CACNB2: variants seen among roughly 807,000 people sequenced by gnomAD.
CACNB2 encodes the protein calcium voltage-gated channel auxiliary subunit beta 2.
Under a neutral mutation model 73.3 loss-of-function variants are expected in CACNB2, and 42 were observed. The observed-to-expected ratio is 0.57, with a 90% confidence interval of 0.45 to 0.74. The LOEUF is 0.74. Ranked by LOEUF, CACNB2 falls within the 30% of genes least tolerant of loss-of-function variation. The pLI is 0.00. For synonymous variants in CACNB2, 348 were observed against 310.3 expected (o/e 1.12, Z -1.28); for missense variants, 940 against 853.0 (o/e 1.10, Z -1.27).
At chr10:18,237,121 A>G (rs1350716316) in intron 2 of CACNB2, among the ~76,000 whole-genome samples, 1 of 152,192 alleles carries the variant, frequency 6.6e-6, no homozygotes, top group Non-Finnish European at 1.5e-5. Flanking sequence ...ATTGTAGGGT[A>G]AATGCATAGA....
At chr10:18,375,247 A>G (rs1035006164) in intron 2 of CACNB2, among the ~76,000 whole-genome samples, 1 of 152,122 alleles carries the variant, frequency 6.6e-6, no homozygotes, top group Admixed American at 6.6e-5. Flanking sequence ...AATGTGTCCA[A>G]GTGTCTTCTT....
At chr10:18,243,123 A>T (rs1322358508) in intron 2 of CACNB2, among the ~76,000 whole-genome samples, 1 of 152,192 alleles carries the variant, frequency 6.6e-6, no homozygotes, top group Non-Finnish European at 1.5e-5. Flanking sequence ...TTTTCAATAA[A>T]ATTAATAAAA....
chr10:18,496,031 C>A (rs1023089517), intron 3 of CACNB2, among the ~76,000 whole-genome samples: 1 of 151,614 alleles, frequency 6.6e-6, no homozygotes, highest in Non-Finnish European at 1.5e-5. Flanking sequence ...ACTAAAAATA[C>A]AAAAATTAGC....
At chr10:18,168,206 A>G (rs956517130) in intron 2 of CACNB2, among the ~76,000 whole-genome samples, 1 of 152,160 alleles carries the variant, frequency 6.6e-6, no homozygotes, top group Non-Finnish European at 1.5e-5. Context: ...GGATCCCTTG[A>G]GCCCAGGAGT....
At chr10:18,202,905 C>G (rs955984411) in intron 2 of CACNB2, among the ~76,000 whole-genome samples, 1 of 152,156 alleles carries the variant, frequency 6.6e-6, no homozygotes, top group African/African-American at 2.4e-5. Context: ...CTGTATAATT[C>G]AGTCAGTTTC....
At chr10:18,252,381 A>G (rs2037123476) in intron 2 of CACNB2, among the ~76,000 whole-genome samples, 1 of 151,740 alleles carries the variant, frequency 6.6e-6, no homozygotes. Flanking sequence ...AAGCTTATGG[A>G]TGGTAAATTA....
chr10:18,409,096 G>A (rs569899142), intron 3 of CACNB2, among the ~76,000 whole-genome samples: 6 of 152,090 alleles, frequency 3.9e-5, no homozygotes, highest in African/African-American at 1.2e-4. Context: ...TCAGGAGTTC[G>A]AGGCCAGGCT....
At chr10:18,309,247 C>A (rs190591373) in intron 2 of CACNB2, among the ~76,000 whole-genome samples, 2 of 151,874 alleles carry the variant, frequency 1.3e-5, no homozygotes, top group Admixed American at 1.3e-4. Flanking sequence ...AAAGAGGGGA[C>A]AATTCAGAAA....
chr10:18,504,311 T>C (rs1308425823), intron 5 of CACNB2, among the ~76,000 whole-genome samples: 2 of 152,216 alleles, frequency 1.3e-5, no homozygotes, highest in African/African-American at 2.4e-5. Flanking sequence ...ACCTCCACGC[T>C]GTACAGACTT....
In CACNB2 at chr10:18,140,862, G is replaced by C. The variant is rs745610541; in HGVS notation, c.120+6G>C. On this transcript the variant is annotated splice_donor_region_variant and intron_variant, in intron 1 of 13. Transcript: ENST00000324631. ...CGCTCGGAGCCGCCGCACAGGTAGC[G>C]AGAGCGCGGCGCCTTCTCCTTCCTT... 6 of 1,594,488 alleles carry C rather than the reference G, an allele frequency of 3.8e-6. No individual in the cohort carries two copies. The highest frequency in any genetic ancestry group is 1.3e-5 in the African/African-American group (1 of 74,774).
chr10:18,400,915 A>G, intron 2 of CACNB2: 1 of 1,567,334 alleles, frequency 6.4e-7, no homozygotes, highest in Middle Eastern at 2.3e-4. Context: ...GGGACGGAGA[A>G]CAGGGGCTTG....
intron 3 of CACNB2, among the ~76,000 whole-genome samples, chr10:18,464,418 T>TAAAATAAAAAAAAAATAAAAAAAA (rs1554824204): frequency 2.3e-5 from 2 of 85,296 alleles, no homozygotes; most frequent in Non-Finnish European, 4.6e-5. Flanking sequence ...TCTCAAAAAT[T>TAAAATAAAAAAAAAATAAAAAAAA]AAAAAAAAAA....
At position 18,242,924 on chromosome 10, in the gene CACNB2, G is replaced by A. The variant is rs2036716793; in HGVS notation, c.213+91949G>A. ...ATTCGGGAGGCTGAGTCAGGAGAAT[G>A]GCATGAACCCGGGAGGCGGAGCTTG... is the stretch of plus-strand genomic sequence containing the variant. On this transcript the variant is annotated intron_variant, in intron 2 of 13. Coordinates refer to ENST00000324631, the MANE Select transcript of CACNB2 (RefSeq NM_201596.3). 2.0e-5 allele frequency among the ~76,000 whole-genome samples: 3 copies of A among 150,946 alleles called. No homozygotes were observed. In the East Asian group the frequency reaches 5.8e-4, roughly 29 times the overall value.
At chr10:18,333,443 A>T (rs2040880448) in intron 2 of CACNB2, among the ~76,000 whole-genome samples, 1 of 88,652 alleles carries the variant, frequency 1.1e-5, no homozygotes, top group Non-Finnish European at 2.5e-5. Flanking sequence ...TGTTAATGTT[A>T]AAAAAAAAAA....
At chr10:18,228,032 G>A (rs1319488528) in intron 2 of CACNB2, among the ~76,000 whole-genome samples, 2 of 152,180 alleles carry the variant, frequency 1.3e-5, no homozygotes, top group African/African-American at 4.8e-5. Flanking sequence ...CATTCTTTCA[G>A]GGTAGGGGAC....
At chr10:18,245,008 A>G (rs2036805813) in intron 2 of CACNB2, among the ~76,000 whole-genome samples, 1 of 152,116 alleles carries the variant, frequency 6.6e-6, no homozygotes, top group African/African-American at 2.4e-5. Flanking sequence ...GCCAAGGAAT[A>G]CAGCAGCCGC....
At chr10:18,295,585 A>C (rs1214074912) in intron 2 of CACNB2, among the ~76,000 whole-genome samples, 1 of 152,138 alleles carries the variant, frequency 6.6e-6, no homozygotes, top group Non-Finnish European at 1.5e-5. Flanking sequence ...GTTGTTCTTA[A>C]TGTTTTTTAT....
chr10:18,215,376 T>C (rs1440985098), intron 2 of CACNB2, among the ~76,000 whole-genome samples: 1 of 152,054 alleles, frequency 6.6e-6, no homozygotes, highest in Admixed American at 6.6e-5. Context: ...TATTTCTGGT[T>C]CAGCTCCAGC....
intron 9 of CACNB2, among the ~76,000 whole-genome samples, chr10:18,526,202 A>G (rs1394277009): frequency 6.6e-6 from 1 of 152,216 alleles, no homozygotes; most frequent in Admixed American, 6.5e-5. Flanking sequence ...ACAATTTGGC[A>G]GTCAGATTCC....
Sources: allele counts gnomAD v4.1 joint callset (sites outside exome capture counted in the v4.1 genomes callset), GRCh38; gene constraint gnomAD v4.1.1; transcripts MANE v1.5; gene names NCBI Gene and HGNC (gene_info 2026-07-23, HGNC 2026-07-21).